ENTREP2: variants seen among roughly 807,000 people sequenced by gnomAD.
The protein encoded by ENTREP2 is protein ENTREP2.
chr15:29,652,535 G>A, the ENTREP2 span, among the ~76,000 whole-genome samples: 2 of 152,246 alleles, frequency 1.3e-5, no homozygotes, highest in Non-Finnish European at 2.9e-5. Flanking sequence ...GAAGAGCTGA[G>A]GCCCTTTAGG....
chr15:29,552,465 A>C, the ENTREP2 span, among the ~76,000 whole-genome samples: 2 of 152,160 alleles, frequency 1.3e-5, no homozygotes, highest in Non-Finnish European at 2.9e-5. Flanking sequence ...AGGGCACCAG[A>C]GTGTACACCT....
At chr15:29,167,426 A>G in the ENTREP2 span, among the ~76,000 whole-genome samples, 1 of 152,264 alleles carries the variant, frequency 6.6e-6, no homozygotes, top group East Asian at 1.9e-4. Context: ...TACATCTGAC[A>G]AAGGACTAAT....
At chr15:29,287,149 T>C in the ENTREP2 span, among the ~76,000 whole-genome samples, 22 of 152,260 alleles carry the variant, frequency 1.4e-4, no homozygotes, top group Admixed American at 1.4e-3. Context: ...CAAACACCCT[T>C]TTTAAGCCCT....
the ENTREP2 span, chr15:29,126,603 C>T: frequency 4.6e-6 from 4 of 871,444 alleles, no homozygotes; most frequent in South Asian, 1.7e-5. Flanking sequence ...CCTGGGGGTG[C>T]GGAAACACTG....
the ENTREP2 span, among the ~76,000 whole-genome samples, chr15:29,664,447 T>G: frequency 4.9e-5 from 7 of 142,918 alleles, no homozygotes; most frequent in Non-Finnish European, 1.5e-5. Flanking sequence ...TTTCTCTCTC[T>G]CTTTTTTTTT....
the ENTREP2 span, among the ~76,000 whole-genome samples, chr15:29,573,326 T>C: frequency 7.9e-5 from 12 of 152,304 alleles, no homozygotes; most frequent in African/African-American, 2.9e-4. Context: ...AAAGCAGTTT[T>C]GTTGATAAAA....
At chr15:29,137,051 C>A in the ENTREP2 span, 1 of 1,439,502 alleles carries the variant, frequency 6.9e-7, no homozygotes, top group Non-Finnish European at 9.1e-7. Flanking sequence ...CCTCAGTGGA[C>A]GGTGTGCAGG....
the ENTREP2 span, among the ~76,000 whole-genome samples, chr15:29,182,990 C>T: frequency 6.6e-6 from 1 of 152,110 alleles, no homozygotes; most frequent in African/African-American, 2.4e-5. Context: ...TTACTGAGCT[C>T]AGTGTGAGAG....
chr15:29,656,734 ATATCT>A, the ENTREP2 span, among the ~76,000 whole-genome samples: 4 of 152,180 alleles, frequency 2.6e-5, no homozygotes, highest in Admixed American at 6.5e-5. Context: ...AGACTCTCTC[ATATCT>A]TATCTTGCTT....
the ENTREP2 span, among the ~76,000 whole-genome samples, chr15:29,498,529 A>G: frequency 1.3e-5 from 2 of 152,202 alleles, no homozygotes; most frequent in African/African-American, 4.8e-5. Context: ...TATAATTTCA[A>G]TCTGCTTAAA....
the ENTREP2 span, among the ~76,000 whole-genome samples, chr15:29,325,076 A>G: frequency 6.6e-6 from 1 of 152,210 alleles, no homozygotes; most frequent in African/African-American, 2.4e-5. Flanking sequence ...TTTAAAACAC[A>G]TTTCTAAATA....
the ENTREP2 span, among the ~76,000 whole-genome samples, chr15:29,654,175 A>C: frequency 6.6e-6 from 1 of 152,208 alleles, no homozygotes; most frequent in Non-Finnish European, 1.5e-5. Context: ...GTTTTCTCTA[A>C]TTGTTTTTGA....
chr15:29,195,440 A>C, the ENTREP2 span: 2 of 405,012 alleles, frequency 4.9e-6, no homozygotes, highest in Non-Finnish European at 6.7e-6. Flanking sequence ...CCCTACACAC[A>C]TGCTAGAACC....
At chr15:29,564,371 T>A in the ENTREP2 span, among the ~76,000 whole-genome samples, 1 of 152,196 alleles carries the variant, frequency 6.6e-6, no homozygotes, top group Non-Finnish European at 1.5e-5. Context: ...GAGATCTTTT[T>A]CCTTGGGGGT....
chr15:29,263,824 G>A, the ENTREP2 span, among the ~76,000 whole-genome samples: 2 of 152,132 alleles, frequency 1.3e-5, no homozygotes, highest in Non-Finnish European at 2.9e-5. Context: ...GAGCTCTTTA[G>A]GAAAAGGATT....
At chr15:29,355,091 C>A in the ENTREP2 span, among the ~76,000 whole-genome samples, 2 of 152,096 alleles carry the variant, frequency 1.3e-5, no homozygotes, top group East Asian at 3.9e-4. Flanking sequence ...CCAAAGGCCA[C>A]CCCTGTCTCA....
At chr15:29,299,968 AATGGATGG>A in the ENTREP2 span, among the ~76,000 whole-genome samples, 1 of 140,238 alleles carries the variant, frequency 7.1e-6, no homozygotes. Flanking sequence ...TGGGTGGATG[AATGGATGG>A]ATGGATGGCT....
At chr15:29,217,874 G>C in the ENTREP2 span, among the ~76,000 whole-genome samples, 16 of 152,174 alleles carry the variant, frequency 1.1e-4, no homozygotes, top group Admixed American at 5.2e-4. Context: ...ATTTGGGTAG[G>C]CTCTGTCAGA....
the ENTREP2 span, among the ~76,000 whole-genome samples, chr15:29,199,158 A>G: frequency 6.6e-6 from 1 of 152,240 alleles, no homozygotes; most frequent in Admixed American, 6.5e-5. Context: ...GCTTTAGCAG[A>G]GAATACAAAG....
Sources: allele counts gnomAD v4.1 joint callset (sites outside exome capture counted in the v4.1 genomes callset), GRCh38; gene constraint gnomAD v4.1.1; transcripts MANE v1.5; gene names NCBI Gene and HGNC (gene_info 2026-07-23, HGNC 2026-07-21).